Variants in ROBO1 observed in about 807,000 individuals in gnomAD.
ROBO1 encodes roundabout homolog 1.
In ROBO1, 149 loss-of-function variants were observed where a neutral mutation model predicts 195.9. The ratio of observed to expected loss-of-function variants is 0.76; its 90% CI spans 0.67 to 0.87. ROBO1 has a LOEUF of 0.87. Among genes scored for constraint, ROBO1 ranks in the 40% least tolerant of loss-of-function variants. The pLI, the probability that ROBO1 is intolerant of heterozygous loss-of-function variation, is 0.00. For synonymous variants in ROBO1, 816 were observed against 733.2 expected (o/e 1.11, Z -1.82); for missense variants, 1,933 against 2,068.3 (o/e 0.93, Z 1.27).
intron 1 of ROBO1, among the ~76,000 whole-genome samples, chr3:79,611,340 G>A (rs527747605): frequency 7.3e-4 from 111 of 152,046 alleles, no homozygotes; most frequent in Non-Finnish European, 1.4e-3. Context: ...AAACATAAAT[G>A]ATAGAAAACC....
Position 79,505,159 on chromosome 3 carries a change from C to T in ROBO1, c.88+84665G>A, listed in dbSNP as rs117174647. Among the ~76,000 whole-genome samples the T allele has an allele frequency of 2.8e-4, 42 of 152,074 alleles. No individual in the cohort carries two copies. The East Asian group carries it at 8.1e-3, about 29-fold the overall frequency. ...TTGCCGCATTGGAAGACAGCATTAA[C>T]TGAAGAATTCAGCTCTAAACAAAGA... On this transcript the variant is annotated intron_variant, in intron 2 of 30. Transcript: ENST00000464233.
chr3:79,036,517 C>A lies in ROBO1; in HGVS notation c.172+88939G>T, dbSNP rs115021176. Among the ~76,000 whole-genome samples, 397 of 152,212 alleles carry A rather than the reference C, an allele frequency of 2.6e-3. 1 individual carries two copies. The highest frequency in any genetic ancestry group is 9.1e-3 in the African/African-American group (379 of 41,560). ...AGAAATACTTGCTTTTGGAAGGAAT[C>A]TTTATGTAGATGGTCTTACACAAAT... is the stretch of plus-strand genomic sequence containing the variant. On this transcript the variant is annotated intron_variant, in intron 3 of 30. Coordinates refer to ENST00000464233, the MANE Select transcript of ROBO1 (RefSeq NM_002941.4).
At chr3:79,178,314 A>G (rs1362265120) in intron 2 of ROBO1, among the ~76,000 whole-genome samples, 1 of 152,224 alleles carries the variant, frequency 6.6e-6, no homozygotes, top group East Asian at 1.9e-4. Flanking sequence ...TGAAGAAATT[A>G]TTAGGAATTT....
At chr3:79,154,794 T>C (rs1023577308) in intron 2 of ROBO1, among the ~76,000 whole-genome samples, 1 of 151,858 alleles carries the variant, frequency 6.6e-6, no homozygotes, top group Non-Finnish European at 1.5e-5. Flanking sequence ...AATTTCCTTT[T>C]AGCTTTCCGA....
chr3:79,649,142 T>C (rs1945923473), intron 1 of ROBO1, among the ~76,000 whole-genome samples: 1 of 152,038 alleles, frequency 6.6e-6, no homozygotes, highest in South Asian at 2.1e-4. Flanking sequence ...TCCCTAGTAT[T>C]TTTTTAAAGC....
intron 2 of ROBO1, among the ~76,000 whole-genome samples, chr3:79,511,596 A>T (rs73114840): frequency 0.069 from 10,459 of 152,200 alleles, 443 homozygotes; most frequent in East Asian, 0.17. Flanking sequence ...CAATACTGGC[A>T]AATTATATCA....
At chr3:78,703,759 T>C (rs2081477710) in intron 8 of ROBO1, among the ~76,000 whole-genome samples, 1 of 151,672 alleles carries the variant, frequency 6.6e-6, no homozygotes, top group Non-Finnish European at 1.5e-5. Context: ...TGTGTGTATA[T>C]ACATATATCT....
At chr3:78,688,143 T>A (rs2081091656) in intron 9 of ROBO1, among the ~76,000 whole-genome samples, 1 of 152,196 alleles carries the variant, frequency 6.6e-6, no homozygotes, top group African/African-American at 2.4e-5. Flanking sequence ...TGACTGCATA[T>A]GATAGTTTTC....
chr3:79,577,717 AACACACAC>A (rs58998352), intron 2 of ROBO1, among the ~76,000 whole-genome samples: 3,150 of 140,702 alleles, frequency 0.022, 65 homozygotes, highest in Middle Eastern at 0.07. Context: ...CTTTACTAAA[AACACACAC>A]ACACACACAC....
At chr3:79,717,518 G>A (rs1240432613) in intron 1 of ROBO1, among the ~76,000 whole-genome samples, 1 of 151,880 alleles carries the variant, frequency 6.6e-6, no homozygotes, top group Non-Finnish European at 1.5e-5. Flanking sequence ...AGCTCTCATT[G>A]TTTAAAATGA....
intron 1 of ROBO1, among the ~76,000 whole-genome samples, chr3:79,598,791 C>A (rs1944255771): frequency 6.6e-6 from 1 of 152,020 alleles, no homozygotes; most frequent in African/African-American, 2.4e-5. Context: ...CTCCCCCTGG[C>A]AGGAGGCCAA....
chr3:79,300,510 G>A (rs2032871241), intron 2 of ROBO1, among the ~76,000 whole-genome samples: 2 of 152,290 alleles, frequency 1.3e-5, no homozygotes, highest in Non-Finnish European at 1.5e-5. Context: ...CACCCCCTCC[G>A]TGGGCTCCTG....
At chr3:78,798,296 T>A (rs751824059) in intron 4 of ROBO1, among the ~76,000 whole-genome samples, 3 of 152,188 alleles carry the variant, frequency 2.0e-5, no homozygotes, top group African/African-American at 7.2e-5. Flanking sequence ...AATGGCTAAT[T>A]AATAAGCCCT....
intron 2 of ROBO1, among the ~76,000 whole-genome samples, chr3:79,161,421 G>T (rs573615284): frequency 1.3e-5 from 2 of 152,118 alleles, no homozygotes; most frequent in South Asian, 4.1e-4. Context: ...TTAAATCAAG[G>T]TTTTAAGGGG....
chr3:79,676,473 A>AAAGAATCTTCTTCC (rs1208401302), intron 1 of ROBO1, among the ~76,000 whole-genome samples: 1 of 151,938 alleles, frequency 6.6e-6, no homozygotes, highest in African/African-American at 2.4e-5. Context: ...CCCAGTTGAG[A>AAAGAATCTTCTTCC]AAGAATCTTC....
At chr3:79,357,557 T>A (rs1412290845) in intron 2 of ROBO1, among the ~76,000 whole-genome samples, 1 of 152,172 alleles carries the variant, frequency 6.6e-6, no homozygotes, top group African/African-American at 2.4e-5. Flanking sequence ...ACACTGTTTA[T>A]CTGAAGTATT....
chr3:79,627,203 A>T (rs1429325595), intron 1 of ROBO1, among the ~76,000 whole-genome samples: 1 of 152,204 alleles, frequency 6.6e-6, no homozygotes. Flanking sequence ...GACAACCCTA[A>T]GCAAAAAGAA....
intron 2 of ROBO1, among the ~76,000 whole-genome samples, chr3:79,182,542 GGT>G (rs71127377): frequency 0.12 from 18,091 of 148,368 alleles, 2,295 homozygotes; most frequent in African/African-American, 0.33. Flanking sequence ...CTGGGGCACA[GGT>G]GTGTGTGTGT....
At chr3:79,554,269 G>T (rs76969722) in intron 2 of ROBO1, among the ~76,000 whole-genome samples, 2,873 of 151,972 alleles carry the variant, frequency 0.019, 84 homozygotes, top group African/African-American at 0.066. Flanking sequence ...AATAAGACTG[G>T]TACTTAAAGA....
Sources: gnomAD v4.1 joint callset for allele counts (sites outside exome capture counted in the v4.1 genomes callset) on GRCh38, gnomAD v4.1.1 for gene constraint, MANE v1.5 for transcripts, NCBI Gene and HGNC (gene_info 2026-07-23, HGNC 2026-07-21) for gene names.